The following FEZ1 variants were observed in gnomAD, a reference collection of about 807,000 sequenced individuals.
The protein encoded by FEZ1 is fasciculation and elongation protein zeta-1.
A neutral mutation model predicts 49.3 loss-of-function variants in FEZ1; 20 were observed. The observed-to-expected ratio is 0.41, with a 90% CI of 0.29 to 0.59. The LOEUF (loss-of-function observed/expected upper bound fraction) is 0.59. FEZ1 is among the 20% of genes least tolerant of loss of function. FEZ1 has a pLI of 0.36. For synonymous variants in FEZ1, 170 were observed against 180.9 expected, an observed-to-expected ratio of 0.94 and a Z score of 0.48; for missense variants, 413 against 476.0, an observed-to-expected ratio of 0.87 and a Z score of 1.23.
chr11:125,460,675 G>C lies in FEZ1; in HGVS notation c.499-9C>G. 1 of 1,612,564 alleles carries C rather than the reference G, an allele frequency of 6.2e-7. No homozygotes were observed. The highest frequency in any genetic ancestry group is 1.1e-5 in the South Asian group (1 of 91,004). On this transcript the variant is annotated splice_polypyrimidine_tract_variant and intron_variant, in intron 4 of 9. Transcript: ENST00000278919. ...TCAATCTCCTCAATTACCTGAAGAA[G>C]GTACACGAGAGAGTGCTAACTCTGT...
At chr11:125,454,435 T>C in intron 6 of FEZ1, 1 of 393,506 alleles carries the variant, frequency 2.5e-6, no homozygotes, top group Non-Finnish European at 4.5e-6. Context: ...CCCTCAGGGC[T>C]ACAAGACCCC....
intron 3 of FEZ1, among the ~76,000 whole-genome samples, chr11:125,480,774 T>G (rs1190696968): frequency 6.6e-6 from 1 of 152,190 alleles, no homozygotes; most frequent in Non-Finnish European, 1.5e-5. Context: ...GTGTGGTGGC[T>G]CACGCCTGTA....
chr11:125,451,858 T>C (rs529190174), intron 8 of FEZ1, among the ~76,000 whole-genome samples: 1 of 152,342 alleles, frequency 6.6e-6, no homozygotes, highest in East Asian at 1.9e-4. Context: ...AGCTGGACTC[T>C]ATTTTTTCCA....
chr11:125,476,659 G>A (rs79524081), intron 3 of FEZ1, among the ~76,000 whole-genome samples: 139 of 152,210 alleles, frequency 9.1e-4, no homozygotes, highest in East Asian at 5.8e-3. Flanking sequence ...TATAATAAAG[G>A]AGCAGGAATC....
intron 5 of FEZ1, 63 bp downstream of exon 5, chr11:125,460,435 G>T (rs1957062800): frequency 1.3e-6 from 2 of 1,488,352 alleles, no homozygotes; most frequent in Admixed American, 3.5e-5. Context: ...AAAGCACACA[G>T]CCCAGAGCCT....
intron 6 of FEZ1, chr11:125,455,572 G>A (rs1011221090): frequency 7.7e-6 from 4 of 516,994 alleles, no homozygotes; most frequent in Non-Finnish European, 1.4e-5. Flanking sequence ...TTTCTTTAAG[G>A]TCTTGCCTAC....
At chr11:125,469,417 C>G (rs915651295) in intron 3 of FEZ1, among the ~76,000 whole-genome samples, 3 of 152,218 alleles carry the variant, frequency 2.0e-5, no homozygotes, top group African/African-American at 7.2e-5. Flanking sequence ...TGCCACCATG[C>G]CCAACTAACT....
At chr11:125,485,129 C>A (rs974412693) in intron 2 of FEZ1, among the ~76,000 whole-genome samples, 1 of 152,204 alleles carries the variant, frequency 6.6e-6, no homozygotes, top group Non-Finnish European at 1.5e-5. Context: ...CATCAGAGAA[C>A]TAAGATTAAA....
rs112732577 is a variant in FEZ1, at chr11:125,452,358, C to T, written c.1072G>A (p.Glu358Lys). 1 of 1,612,812 alleles carries T rather than the reference C, an allele frequency of 6.2e-7. No homozygotes were observed. Among genetic ancestry groups the T allele is most frequent in the South Asian group, 1.1e-5 (1 of 91,050 alleles). ...YEKKASPPSV[E>K]DLQMLTNILF... ...CTGTTTGTCAGCATCTGCAGGTCTT[C>T]CACTGAGGGAGGAGAGGCTTTCTTC... is the stretch of plus-strand genomic sequence containing the variant. Residue 358 changes from glutamate (E) to lysine (K), a missense_variant, in exon 8 of 10, where the codon GAA becomes AAA. Glu to Lys is a moderately conservative substitution (Grantham distance 56). Coordinates refer to ENST00000278919, the MANE Select transcript of FEZ1 (RefSeq NM_005103.5).
At chr11:125,457,427 A>ATAT (rs57032147) in intron 5 of FEZ1, among the ~76,000 whole-genome samples, 43 of 27,144 alleles carry the variant, frequency 1.6e-3, no homozygotes, top group African/African-American at 4.7e-3. Flanking sequence ...AAAAAAAAAA[A>ATAT]AAATATATAT....
intron 3 of FEZ1, among the ~76,000 whole-genome samples, chr11:125,467,816 G>A (rs1316813031): frequency 1.3e-5 from 2 of 152,148 alleles, no homozygotes; most frequent in African/African-American, 4.8e-5. Flanking sequence ...ACTCTAGCCT[G>A]GGTGACATAG....
chr11:125,459,477 G>C (rs1342025649), intron 5 of FEZ1, among the ~76,000 whole-genome samples: 1 of 151,624 alleles, frequency 6.6e-6, no homozygotes, highest in Non-Finnish European at 1.5e-5. Context: ...CTGTAATCCC[G>C]GCTACTCAGG....
Position 125,495,690 on chromosome 11 carries a change from A to G in FEZ1, c.-46+431T>C. 1 of 374,196 alleles carries G rather than the reference A, an allele frequency of 2.7e-6. No homozygotes were observed. The highest frequency in any genetic ancestry group is 2.0e-5 in the South Asian group (1 of 51,066). 23.2% of individuals were successfully genotyped at this position (374,196 alleles called of 1,614,324 possible). On this transcript the variant is annotated intron_variant, in intron 1 of 9. Coordinates refer to ENST00000278919, the MANE Select transcript of FEZ1 (RefSeq NM_005103.5). This position sits in a 1 kb window ranked among gnomAD's most constrained non-coding sequence, Gnocchi z 4.2. The stretch of plus-strand genomic sequence containing the variant: ...CCAGATAACGGTCCCGGGACGAGGT[A>G]CCGACCCACTGCCCCAGCGCGATCG...
intron 3 of FEZ1, among the ~76,000 whole-genome samples, chr11:125,473,725 A>G (rs1455753908): frequency 1.3e-5 from 2 of 151,836 alleles, no homozygotes; most frequent in Non-Finnish European, 1.5e-5. Context: ...AGGCACAGAC[A>G]GAAGAATTGC....
In FEZ1 at chr11:125,446,064, T is replaced by G. The variant is rs759179605; in HGVS notation, c.*31A>C. ...ATGGAATGACTCTTGCTCAGTGACC[T>G]CCTGCAGCGAGGCTGCTCCAAAGGG... On this transcript the variant is annotated 3_prime_UTR_variant, in exon 10 of 10. Transcript: ENST00000278919. 3.1e-6 allele frequency: 5 copies of G among 1,610,176 alleles called. No homozygotes were observed. The highest frequency in any genetic ancestry group is 4.2e-6 in the Non-Finnish European group (5 of 1,176,492).
chr11:125,457,098 G>A (rs1055874977), intron 5 of FEZ1, among the ~76,000 whole-genome samples: 4 of 151,878 alleles, frequency 2.6e-5, no homozygotes, highest in African/African-American at 7.2e-5. Context: ...CAGGAGAACC[G>A]CTTGAACCTG....
intron 3 of FEZ1, among the ~76,000 whole-genome samples, chr11:125,472,664 C>T (rs687118): frequency 0.49 from 75,065 of 151,852 alleles, 18,598 homozygotes; most frequent in South Asian, 0.55. Context: ...CAATGTAATA[C>T]AAATTCTTTC....
chr11:125,489,617 A>G lies in FEZ1; in HGVS notation c.161T>C (p.Ile54Thr). The change falls in exon 2 of 10, where the codon ATC (isoleucine) becomes ACC (threonine). Residue 54 changes from isoleucine to threonine, a missense_variant. Coordinates refer to ENST00000278919, the MANE Select transcript of FEZ1 (RefSeq NM_005103.5). This position sits in a 1 kb window ranked among gnomAD's most constrained non-coding sequence, Gnocchi z 4.2. ...SELENFSSEI[I>T]SFKSMEDLVN... ...GAGGTCCTCCATGGACTTGAAGCTG[A>G]TTATTTCGGAAGAAAAATTCTCAAG... The G allele has an allele frequency of 6.2e-7, 1 of 1,614,166 alleles. No homozygotes were observed. Among genetic ancestry groups the G allele is most frequent in the Non-Finnish European group, 8.5e-7 (1 of 1,180,028 alleles).
At chr11:125,459,820 G>A (rs1300951415) in intron 5 of FEZ1, among the ~76,000 whole-genome samples, 1 of 152,186 alleles carries the variant, frequency 6.6e-6, no homozygotes, top group Non-Finnish European at 1.5e-5. Context: ...AATAAGGCCA[G>A]GCGCAGTGGC....
Sources: allele counts gnomAD v4.1 joint callset (sites outside exome capture counted in the v4.1 genomes callset), GRCh38; gene constraint gnomAD v4.1.1; non-coding constraint Gnocchi (gnomAD v3.1); transcripts MANE v1.5; gene names NCBI Gene and HGNC (gene_info 2026-07-23, HGNC 2026-07-21).